Variants in KIAA0825 observed in about 807,000 individuals in gnomAD.
The protein encoded by KIAA0825 is uncharacterized protein KIAA0825.
Under a neutral mutation model 147.6 loss-of-function variants are expected in KIAA0825, and 119 were observed. The observed-to-expected ratio is 0.81, with a 90% CI of 0.69 to 0.94. The LOEUF is 0.94. KIAA0825 is among the 40% of genes least tolerant of loss of function. The probability of loss-of-function intolerance (pLI) is 0.00; values close to 1 mark genes in which losing one functional copy is unlikely to be tolerated. For missense variants in KIAA0825, 1,381 were observed against 1,472.7 expected (o/e 0.94, Z 1.02); for synonymous variants, 470 against 518.1 (o/e 0.91, Z 1.26).
rs534088909 is a variant in KIAA0825, at chr5:94,373,567, A to T, written c.3710+10801T>A. 2.0e-5 allele frequency among the ~76,000 whole-genome samples: 3 copies of T among 152,218 alleles called. No individual in the cohort carries two copies. In the South Asian group the frequency reaches 6.2e-4, roughly 32 times the overall value. ...GGCGGCAGGTGAGAGAATGAGATCT[A>T]AGCAGAGGAGGAAGCCCCTTCTAAA... On this transcript the variant is annotated intron_variant, in intron 20 of 20. Transcript: ENST00000682413.
intron 20 of KIAA0825, among the ~76,000 whole-genome samples, chr5:94,240,150 A>G (rs1775274089): frequency 6.6e-6 from 1 of 152,236 alleles, no homozygotes; most frequent in Admixed American, 6.5e-5. Context: ...CTGCATTGTA[A>G]TAATTCTATG....
chr5:94,403,473 C>A, intron 16 of KIAA0825, 96 bp downstream of exon 16: 1 of 840,100 alleles, frequency 1.2e-6, no homozygotes, highest in South Asian at 1.7e-5. Flanking sequence ...TAATATAGTT[C>A]ATCATTCTTA....
chr5:94,587,455 A>G (rs1561358100), intron 1 of KIAA0825, among the ~76,000 whole-genome samples: 1 of 152,198 alleles, frequency 6.6e-6, no homozygotes, highest in Admixed American at 6.5e-5. Context: ...TACTATTAAG[A>G]GAATAAAATA....
At chr5:94,373,348 T>C (rs961757731) in intron 20 of KIAA0825, among the ~76,000 whole-genome samples, 7 of 152,180 alleles carry the variant, frequency 4.6e-5, no homozygotes, top group African/African-American at 1.7e-4. Context: ...CATGCTGCTA[T>C]GAAGACAGAC....
chr5:94,543,968 G>T (rs2151389006), intron 2 of KIAA0825, among the ~76,000 whole-genome samples: 1 of 152,248 alleles, frequency 6.6e-6, no homozygotes, highest in East Asian at 1.9e-4. Flanking sequence ...CCATAAAAAT[G>T]GGCAACTAGC....
intron 20 of KIAA0825, among the ~76,000 whole-genome samples, chr5:94,262,823 A>G (rs62364565): frequency 0.018 from 2,661 of 151,618 alleles, 34 homozygotes; most frequent in Non-Finnish European, 0.024. Flanking sequence ...GAATGTAAGC[A>G]CGACTGTGGG....
intron 14 of KIAA0825, among the ~76,000 whole-genome samples, chr5:94,426,673 G>T (rs1398878073): frequency 1.3e-5 from 2 of 152,114 alleles, no homozygotes; most frequent in South Asian, 2.1e-4. Context: ...CAATAATATT[G>T]TATATTTCAA....
At chr5:94,402,965 G>A (rs1027137715) in intron 16 of KIAA0825, among the ~76,000 whole-genome samples, 4 of 151,954 alleles carry the variant, frequency 2.6e-5, no homozygotes, top group Non-Finnish European at 1.5e-5. Flanking sequence ...TAAAATAAAC[G>A]AATAATGTAG....
chr5:94,524,589 A>C (rs983930373), intron 3 of KIAA0825, among the ~76,000 whole-genome samples: 1 of 151,758 alleles, frequency 6.6e-6, no homozygotes, highest in African/African-American at 2.4e-5. Flanking sequence ...CTATATACAC[A>C]ATGTTACTAC....
At chr5:94,170,169 G>A (rs539179890) in intron 20 of KIAA0825, among the ~76,000 whole-genome samples, 1 of 152,216 alleles carries the variant, frequency 6.6e-6, no homozygotes, top group South Asian at 2.1e-4. Context: ...CATGGTGGCG[G>A]GTGCCTGTAG....
intron 20 of KIAA0825, among the ~76,000 whole-genome samples, chr5:94,228,785 T>C (rs1774433466): frequency 6.6e-6 from 1 of 152,248 alleles, no homozygotes; most frequent in African/African-American, 2.4e-5. Flanking sequence ...GCCTATCATA[T>C]TTTCTGAGTG....
At chr5:94,472,744 C>G (rs1421077759) in intron 8 of KIAA0825, among the ~76,000 whole-genome samples, 1 of 151,762 alleles carries the variant, frequency 6.6e-6, no homozygotes, top group Non-Finnish European at 1.5e-5. Context: ...GCCCCCGTCT[C>G]AAAAAAACAA....
At chr5:94,322,796 T>C (rs1450167591) in intron 20 of KIAA0825, among the ~76,000 whole-genome samples, 2 of 151,958 alleles carry the variant, frequency 1.3e-5, no homozygotes, top group African/African-American at 4.8e-5. Flanking sequence ...TCAAGATACC[T>C]TGCACATAAA....
chr5:94,577,441 C>T (rs1014271446), intron 2 of KIAA0825, among the ~76,000 whole-genome samples: 3 of 152,106 alleles, frequency 2.0e-5, no homozygotes, highest in African/African-American at 7.2e-5. Context: ...CAGGGTATTT[C>T]GAAGTGTAGT....
intron 20 of KIAA0825, among the ~76,000 whole-genome samples, chr5:94,224,342 C>T (rs1297131224): frequency 6.6e-6 from 1 of 151,784 alleles, no homozygotes; most frequent in Non-Finnish European, 1.5e-5. Flanking sequence ...GTGATCAGCC[C>T]ATCTCGGCCT....
intron 20 of KIAA0825, among the ~76,000 whole-genome samples, chr5:94,222,999 A>G (rs990368353): frequency 6.6e-6 from 1 of 152,130 alleles, no homozygotes. Flanking sequence ...CCCAAATACA[A>G]TACAATATTA....
intron 19 of KIAA0825, 117 bp downstream of exon 19, chr5:94,386,125 G>C (rs988207029): frequency 2.5e-6 from 2 of 813,280 alleles, no homozygotes; most frequent in Non-Finnish European, 3.8e-6. Context: ...ATAAGAACAA[G>C]GCCTTTTGCT....
At chr5:94,257,341 C>T (rs943877934) in intron 20 of KIAA0825, among the ~76,000 whole-genome samples, 8 of 152,032 alleles carry the variant, frequency 5.3e-5, no homozygotes, top group African/African-American at 1.9e-4. Context: ...CAGACACAGA[C>T]CATGCTTAAC....
rs758725218 is a variant in KIAA0825, at chr5:94,594,316, A to C, written c.-152-11733T>G. On this transcript the variant is annotated intron_variant, in intron 1 of 20. Coordinates refer to ENST00000682413, the MANE Select transcript of KIAA0825 (RefSeq NM_001145678.3). ...TGGTTTCTCGACTGCTTCTGTCAGC[A>C]ATATAATAAAGGTATTGCTGGCATG... The C allele has an allele frequency of 2.0e-4, 131 of 664,788 alleles. 1 individual carries two copies. The highest frequency in any genetic ancestry group is 3.4e-4 in the Non-Finnish European group (118 of 344,516). 41.2% of individuals were successfully genotyped at this position (664,788 alleles called of 1,614,324 possible). A position where few individuals can be genotyped will look rare whatever the true frequency, so the allele number is the denominator to read the frequency against.
Sources: gnomAD v4.1 joint callset for allele counts (sites outside exome capture counted in the v4.1 genomes callset) on GRCh38, gnomAD v4.1.1 for gene constraint, MANE v1.5 for transcripts, NCBI Gene and HGNC (gene_info 2026-07-23, HGNC 2026-07-21) for gene names.